The following KLHL29 variants were observed in gnomAD, a reference collection of about 807,000 sequenced individuals.
KLHL29 encodes kelch-like protein 29.
In KLHL29, 21 loss-of-function variants were observed where a neutral mutation model predicts 80.4. The ratio of observed to expected loss-of-function variants is 0.26; its 90% CI spans 0.19 to 0.38. KLHL29 has a LOEUF of 0.38. Ranked by LOEUF, KLHL29 falls within the 10% of genes least tolerant of loss-of-function variation. KLHL29 has a pLI of 1.00. For missense variants in KLHL29, 867 were observed against 1,223.9 expected (o/e 0.71, Z 4.35); for synonymous variants, 511 against 526.8 (o/e 0.97, Z 0.41).
intron 1 of KLHL29, among the ~76,000 whole-genome samples, chr2:23,467,627 G>A (rs1488119239): frequency 6.6e-6 from 1 of 152,174 alleles, no homozygotes; most frequent in Non-Finnish European, 1.5e-5. Context: ...GTTGGGGAAG[G>A]GGTTTTTGGC....
At chr2:23,623,767 G>C (rs758192903) in intron 3 of KLHL29, among the ~76,000 whole-genome samples, 10 of 152,200 alleles carry the variant, frequency 6.6e-5, no homozygotes, top group Non-Finnish European at 1.0e-4. Context: ...GATAGTGTGT[G>C]CATATGTGAA....
intron 1 of KLHL29, among the ~76,000 whole-genome samples, chr2:23,413,810 G>T (rs1044233116): frequency 6.6e-6 from 1 of 152,188 alleles, no homozygotes; most frequent in African/African-American, 2.4e-5. Flanking sequence ...CCTAGCTCCC[G>T]CCCTTCCTTT....
chr2:23,536,472 G>A (rs1044564109), intron 2 of KLHL29, among the ~76,000 whole-genome samples: 18 of 152,308 alleles, frequency 1.2e-4, no homozygotes, highest in African/African-American at 4.3e-4. Flanking sequence ...GCCGTGGAGA[G>A]TTTAAAGGAG....
intron 3 of KLHL29, among the ~76,000 whole-genome samples, chr2:23,631,620 C>G (rs1034097019): frequency 2.0e-5 from 3 of 152,208 alleles, no homozygotes; most frequent in African/African-American, 7.2e-5. Flanking sequence ...GCTTGGGAGA[C>G]CCTCCCCTGG....
chr2:23,520,261 G>A (rs1317405112), intron 2 of KLHL29, among the ~76,000 whole-genome samples: 2 of 152,126 alleles, frequency 1.3e-5, no homozygotes, highest in South Asian at 4.2e-4. Flanking sequence ...GGTGTTCATC[G>A]TGTTAATTCT....
At chr2:23,552,695 T>C (rs1355987893) in intron 2 of KLHL29, among the ~76,000 whole-genome samples, 2 of 151,040 alleles carry the variant, frequency 1.3e-5, no homozygotes. Flanking sequence ...CAGAGATTGA[T>C]GCCACCTGTG....
chr2:23,510,424 G>A (rs994332950), intron 2 of KLHL29, among the ~76,000 whole-genome samples: 1 of 152,206 alleles, frequency 6.6e-6, no homozygotes, highest in African/African-American at 2.4e-5. Context: ...ATGGCCTGCT[G>A]TGTGGGGCCA....
At chr2:23,548,888 C>G (rs1287649421) in intron 2 of KLHL29, among the ~76,000 whole-genome samples, 1 of 152,210 alleles carries the variant, frequency 6.6e-6, no homozygotes, top group Non-Finnish European at 1.5e-5. Flanking sequence ...CCCCCCTGCC[C>G]TGGGAGTGGA....
chr2:23,433,887 C>G (rs1307452785), intron 1 of KLHL29, among the ~76,000 whole-genome samples: 1 of 152,116 alleles, frequency 6.6e-6, no homozygotes, highest in Non-Finnish European at 1.5e-5. Flanking sequence ...CCACCGCACT[C>G]CAGCCTGGGC....
intron 3 of KLHL29, among the ~76,000 whole-genome samples, chr2:23,602,433 A>G (rs1303136127): frequency 6.6e-6 from 1 of 152,006 alleles, no homozygotes; most frequent in Non-Finnish European, 1.5e-5. Context: ...CTGAGTCAAC[A>G]CGTCCATCCC....
intron 2 of KLHL29, among the ~76,000 whole-genome samples, chr2:23,549,989 C>A (rs1485298443): frequency 3.9e-5 from 6 of 152,134 alleles, no homozygotes; most frequent in Admixed American, 1.3e-4. Flanking sequence ...GCTGGGCCAC[C>A]CTGGGGTTCT....
chr2:23,679,928 A>C (rs1008683974), intron 5 of KLHL29, among the ~76,000 whole-genome samples: 2 of 152,030 alleles, frequency 1.3e-5, no homozygotes, highest in Non-Finnish European at 2.9e-5. Flanking sequence ...TGGAGTGGGG[A>C]CGTGTGTGGG....
At chr2:23,522,483 GT>G (rs1236574869) in intron 2 of KLHL29, among the ~76,000 whole-genome samples, 1 of 151,814 alleles carries the variant, frequency 6.6e-6, no homozygotes, top group Non-Finnish European at 1.5e-5. Flanking sequence ...TTGAATTTTG[GT>G]TATGTTTGGG....
At chr2:23,448,151 C>T (rs145569179) in intron 1 of KLHL29, among the ~76,000 whole-genome samples, 10 of 152,198 alleles carry the variant, frequency 6.6e-5, no homozygotes, top group African/African-American at 4.8e-5. Flanking sequence ...ATCCACAGGA[C>T]GTGTGAGAAG....
rs965540634 is a variant in KLHL29, at chr2:23,708,505, G to A, written c.*1841G>A. ...CACTGGAGCAAAACTGGCTATTTCT[G>A]TGAATGATATAAAACAGGGTTCTCT... On this transcript the variant is annotated 3_prime_UTR_variant, in exon 14 of 14. Transcript: ENST00000486442. 1 of 152,184 alleles carries A rather than the reference G, an allele frequency of 6.6e-6. No individual in the cohort carries two copies. Among genetic ancestry groups the A allele is most frequent in the Non-Finnish European group, 1.5e-5 (1 of 68,048 alleles). The allele number at this position is 152,184 out of a possible 1,614,324, so 9.4% of individuals were successfully genotyped here.
chr2:23,536,916 A>ACTCTCT (rs1187760259), intron 2 of KLHL29, among the ~76,000 whole-genome samples: 3 of 52,620 alleles, frequency 5.7e-5, no homozygotes, highest in African/African-American at 2.7e-4. Context: ...ACACACACAC[A>ACTCTCT]CACTCTCTCT....
chr2:23,425,146 T>G (rs555595764), intron 1 of KLHL29, among the ~76,000 whole-genome samples: 33 of 152,370 alleles, frequency 2.2e-4, no homozygotes, highest in African/African-American at 7.9e-4. Flanking sequence ...AATATAATCC[T>G]TGAATAATAT....
chr2:23,657,152 T>C (rs1050633258), intron 5 of KLHL29, among the ~76,000 whole-genome samples: 32 of 152,172 alleles, frequency 2.1e-4, no homozygotes, highest in Admixed American at 1.8e-3. Flanking sequence ...AAGGCACCCC[T>C]GCCAGCTCTT....
Position 23,697,241 on chromosome 2 carries a change from C to CAT in KLHL29, c.2105+728_2105+729insAT, listed in dbSNP as rs1201058849. On this transcript the variant is annotated intron_variant, in intron 11 of 13. Transcript: ENST00000486442. Reference sequence around the variant, plus strand: ...GGGCGTGGGCTGAAGTGGGTGCTTCCGGATGAGAATACAAAATCCTTTTCC... The same window carrying CAT: ...GGGCGTGGGCTGAAGTGGGTGCTTCCATGGATGAGAATACAAAATCCTTTTCC... The CAT allele has an allele frequency of 8.3e-4, 127 of 152,310 alleles. 1 individual carries two copies. Among genetic ancestry groups the CAT allele is most frequent in the African/African-American group, 3.0e-3 (124 of 41,554 alleles). The allele number at this position is 152,310 out of a possible 1,614,324, so 9.4% of individuals were successfully genotyped here.
Sources: allele counts gnomAD v4.1 joint callset (sites outside exome capture counted in the v4.1 genomes callset), GRCh38; gene constraint gnomAD v4.1.1; transcripts MANE v1.5; gene names NCBI Gene and HGNC (gene_info 2026-07-23, HGNC 2026-07-21).